PLXNB2: variants seen among roughly 807,000 people sequenced by gnomAD.
PLXNB2 encodes the protein plexin-B2.
In PLXNB2, 85 loss-of-function variants were observed where a neutral mutation model predicts 202.6. The ratio of observed to expected loss-of-function variants is 0.42; its 90% CI spans 0.35 to 0.50. PLXNB2 has a LOEUF of 0.50. PLXNB2 is among the 20% of genes least tolerant of loss of function. The probability of loss-of-function intolerance (pLI) is 0.02; values close to 1 mark genes in which losing one functional copy is unlikely to be tolerated. For synonymous variants in PLXNB2, 1,239 were observed against 1,137.6 expected, an observed-to-expected ratio of 1.09 and a Z score of -1.79; for missense variants, 2,063 against 2,586.2, an observed-to-expected ratio of 0.80 and a Z score of 4.39.
At position 50,288,813 on chromosome 22, in the gene PLXNB2, T is replaced by C; in HGVS notation, c.1310A>G (p.Asn437Ser). The change falls in exon 5 of 37, where the codon AAC becomes AGC. Residue 437 changes from asparagine (N) to serine (S), a missense_variant. Around this residue, in one of 2 missense-constraint regions of PLXNB2, gnomAD observed 1,303 missense variants for 1,476.8 expected, o/e 0.88. Coordinates refer to ENST00000359337, the MANE Select transcript of PLXNB2 (RefSeq NM_012401.4). This position sits in a 1 kb window ranked among gnomAD's most constrained non-coding sequence, Gnocchi z 5.0. ...SEYDSILVEINKRVKRDLVLS... is the reference protein window; with the variant it reads ...SEYDSILVEISKRVKRDLVLS... ...TACCAGGTCGCGCTTGACTCTCTTG[T>C]TTATCTCCACAAGGATAGAGTCGTA... is the stretch of plus-strand genomic sequence containing the variant. The C allele has an allele frequency of 6.2e-7, 1 of 1,613,266 alleles. No individual in the cohort carries two copies. The highest frequency in any genetic ancestry group is 8.5e-7 in the Non-Finnish European group (1 of 1,179,956).
chr22:50,277,914 C>T lies in PLXNB2; in HGVS notation c.4987G>A (p.Glu1663Lys), dbSNP rs763241920. ...AVKYFFDFLD[E>K]QAEKHNIQDE... ...TGGATGTTGTGCTTCTCTGCCTGCTCGTCCAGGAAGTCGAAGAAGTACTTG... is the reference window on the plus strand; with the variant it reads ...TGGATGTTGTGCTTCTCTGCCTGCTTGTCCAGGAAGTCGAAGAAGTACTTG... The change falls in exon 32 of 37, where the codon GAG (glutamate) becomes AAG (lysine). Residue 1663 changes from glutamate (E) to lysine (K), a missense_variant. This residue lies in a region of PLXNB2 where 760 missense variants were observed against 1,109.4 expected (regional missense o/e 0.69). Transcript: ENST00000359337. The T allele has an allele frequency of 1.9e-6, 3 of 1,613,102 alleles. No individual in the cohort carries two copies. The highest frequency in any genetic ancestry group is 2.7e-5 in the African/African-American group (2 of 74,940).
chr22:50,278,243 C>A lies in PLXNB2; in HGVS notation c.4761G>T (p.Arg1587=), dbSNP rs933510618. ...CGGTCGGCCGCACCAGGTGCCACAC[C>A]CGGTTCTCCTCCTCCAGGAGGGCAT... ...ERHALLEEEN[R]VWHLVRPTDE... The change falls in exon 31 of 37, where the codon CGG becomes CGT. Residue 1587 remains arginine, a synonymous_variant. Transcript: ENST00000359337. The A allele has an allele frequency of 1.2e-6, 2 of 1,610,686 alleles. No homozygotes were observed. Among genetic ancestry groups the A allele is most frequent in the East Asian group, 2.2e-5 (1 of 44,882 alleles).
intron 1 of PLXNB2, among the ~76,000 whole-genome samples, chr22:50,295,419 T>C (rs1343724626): frequency 6.6e-6 from 1 of 151,968 alleles, no homozygotes; most frequent in East Asian, 1.9e-4. Flanking sequence ...TCTCTGTGCC[T>C]CATTCTCCAT....
At chr22:50,300,343 G>T (rs2067604689) in intron 1 of PLXNB2, 1 of 984,908 alleles carries the variant, frequency 1.0e-6, no homozygotes, top group African/African-American at 1.7e-5. Flanking sequence ...TGGAAGGGGC[G>T]CGGGGAGCAG....
At chr22:50,295,699 A>G (rs534805116) in intron 1 of PLXNB2, among the ~76,000 whole-genome samples, 1 of 152,302 alleles carries the variant, frequency 6.6e-6, no homozygotes, top group South Asian at 2.1e-4. Context: ...GGAAGACTAC[A>G]TGGTAGATGC....
Position 50,288,790 on chromosome 22 carries a change from C to T in PLXNB2, c.1333G>A (p.Val445Ile). 1 of 1,613,142 alleles carries T rather than the reference C, an allele frequency of 6.2e-7. No homozygotes were observed. The highest frequency in any genetic ancestry group is 8.5e-7 in the Non-Finnish European group (1 of 1,179,978). The change falls in exon 5 of 37, where the codon GTA (valine) becomes ATA (isoleucine). Residue 445 changes from valine to isoleucine, a missense_variant. Physicochemically the swap from Val to Ile is conservative, Grantham distance 29 (BLOSUM62 3). Coordinates refer to ENST00000359337, the MANE Select transcript of PLXNB2 (RefSeq NM_012401.4). The surrounding 1 kb of genome is among the most constrained non-coding windows in gnomAD (Gnocchi z 5.0). ...AGGCTGCCCAGGTCTCCAGACAGTA[C>T]CAGGTCGCGCTTGACTCTCTTGTTT... Reference protein sequence around the residue: ...EINKRVKRDLVLSGDLGSLYA... With the variant: ...EINKRVKRDLILSGDLGSLYA...
chr22:50,292,950 G>A (rs969465281), intron 2 of PLXNB2, among the ~76,000 whole-genome samples: 1 of 137,446 alleles, frequency 7.3e-6, no homozygotes, highest in Non-Finnish European at 1.5e-5. Flanking sequence ...GTGCTCAGCT[G>A]CTGCCCAACC....
intron 33 of PLXNB2, among the ~76,000 whole-genome samples, chr22:50,277,135 C>T (rs1347406910): frequency 2.6e-5 from 4 of 152,062 alleles, no homozygotes; most frequent in African/African-American, 4.8e-5. Flanking sequence ...GGTGAAACCC[C>T]GTCTCTACTA....
At position 50,275,160 on chromosome 22, in the gene PLXNB2, A is replaced by T. The variant is rs2065457112; in HGVS notation, c.*544T>A. On this transcript the variant is annotated 3_prime_UTR_variant, in exon 37 of 37. Transcript: ENST00000359337. ...TAGGACTTGACCTACGTCTCACTTG[A>T]CCTTTGACGTGGGGCCCAGCAGCCG... The T allele has an allele frequency of 6.5e-6, 2 of 306,512 alleles. No individual in the cohort carries two copies. The highest frequency in any genetic ancestry group is 6.4e-6 in the Non-Finnish European group (1 of 155,514). The allele number at this position is 306,512 out of a possible 1,614,324, so 19.0% of individuals were successfully genotyped here. A position where few individuals can be genotyped will look rare whatever the true frequency, so the allele number is the denominator to read the frequency against.
chr22:50,276,011 C>T, intron 35 of PLXNB2, 48 bp from the exon 36 acceptor site: 1 of 1,563,506 alleles, frequency 6.4e-7, no homozygotes, highest in Non-Finnish European at 8.8e-7. Flanking sequence ...TGTGGGAGCC[C>T]CAGGGCTGGC....
Position 50,291,583 on chromosome 22 carries a change from TTCCC to T in PLXNB2, c.-13-990_-13-987del, listed in dbSNP as rs1452731732. 2.0e-5 allele frequency among the ~76,000 whole-genome samples: 3 copies of T among 152,010 alleles called. No homozygotes were observed. The East Asian group carries it at 5.8e-4, about 29-fold the overall frequency. On this transcript the variant is annotated intron_variant, in intron 2 of 36. Coordinates refer to ENST00000359337, the MANE Select transcript of PLXNB2 (RefSeq NM_012401.4). This position sits in a 1 kb window ranked among gnomAD's most constrained non-coding sequence, Gnocchi z 4.3. ...CCAGGACATGCGTGGTCCTCTCTCT[TTCCC>T]TCCCTACCAGACTCAACTGCATCTT...
intron 35 of PLXNB2, among the ~76,000 whole-genome samples, chr22:50,276,362 G>A (rs1011599619): frequency 7.7e-4 from 40 of 51,994 alleles, no homozygotes; most frequent in South Asian, 3.8e-3. Flanking sequence ...GGGTGCAGCC[G>A]CAGGGAGGGG....
intron 1 of PLXNB2, among the ~76,000 whole-genome samples, chr22:50,305,988 C>G (rs1460519223): frequency 6.6e-6 from 1 of 152,194 alleles, no homozygotes; most frequent in Non-Finnish European, 1.5e-5. Context: ...TAGAAAGTGG[C>G]AGAGCTGCCC....
chr22:50,302,085 C>T (rs867268416), intron 1 of PLXNB2, among the ~76,000 whole-genome samples: 2 of 152,110 alleles, frequency 1.3e-5, no homozygotes, highest in African/African-American at 4.8e-5. Context: ...CCTGGAGCCC[C>T]GAGGGAGGGG....
intron 35 of PLXNB2, among the ~76,000 whole-genome samples, chr22:50,276,211 G>A (rs28541662): frequency 6.6e-6 from 1 of 150,786 alleles, no homozygotes; most frequent in Non-Finnish European, 1.5e-5. Flanking sequence ...CCACAGGGAC[G>A]GGTGCTGTGA....
intron 1 of PLXNB2, among the ~76,000 whole-genome samples, chr22:50,298,884 A>C (rs2067468255): frequency 6.6e-6 from 1 of 152,208 alleles, no homozygotes; most frequent in Non-Finnish European, 1.5e-5. Flanking sequence ...GAGCTCAGGC[A>C]ATCCACCCGC....
intron 1 of PLXNB2, among the ~76,000 whole-genome samples, chr22:50,298,249 G>A (rs1015385151): frequency 1.3e-4 from 20 of 152,260 alleles, no homozygotes; most frequent in Admixed American, 3.3e-4. Flanking sequence ...CCAGAACTCC[G>A]ATGTAGGCCA....
Position 50,281,536 on chromosome 22 carries a change from G to C in PLXNB2, c.3522+30C>G. On this transcript the variant is annotated intron_variant, in intron 21 of 36. Coordinates refer to ENST00000359337, the MANE Select transcript of PLXNB2 (RefSeq NM_012401.4). ...GCCGGGTTCAGCGCGGTCCCGTGGG[G>C]GCACCCCCCGCCAGTCCCCGCTCAC... 1.9e-6 allele frequency: 3 copies of C among 1,607,646 alleles called. No homozygotes were observed. In the South Asian group the frequency reaches 3.3e-5, roughly 18 times the overall value.
In PLXNB2 at chr22:50,278,470, T is replaced by C; in HGVS notation, c.4697A>G (p.Gln1566Arg). 1 of 1,560,226 alleles carries C rather than the reference T, an allele frequency of 6.4e-7. No individual in the cohort carries two copies. Among genetic ancestry groups the C allele is most frequent in the South Asian group, 1.2e-5 (1 of 85,252 alleles). Residue 1566 changes from glutamine (Q) to arginine (R), a missense_variant, in exon 30 of 37, where the codon CAG becomes CGG. Transcript: ENST00000359337. Reference sequence around the variant, plus strand: ...CAGGTCCTGCTGGCTGTCCTCCGGCTGCTGGGAGACCCCCACCTTGGACAG... The same window carrying C: ...CAGGTCCTGCTGGCTGTCCTCCGGCCGCTGGGAGACCCCCACCTTGGACAG... ...LILSKVGVSQ[Q>R]PEDSQQDLPG...
Sources: allele counts gnomAD v4.1 joint callset (sites outside exome capture counted in the v4.1 genomes callset), GRCh38; gene constraint gnomAD v4.1.1; regional missense constraint gnomAD v4.1.1; non-coding constraint Gnocchi (gnomAD v3.1); transcripts MANE v1.5; gene names NCBI Gene and HGNC (gene_info 2026-07-23, HGNC 2026-07-21).